Variants in ARHGEF28 observed in about 807,000 individuals in gnomAD.
ARHGEF28 encodes 190 kDa guanine nucleotide exchange factor.
Under a neutral mutation model 206.6 loss-of-function variants are expected in ARHGEF28, and 152 were observed. The observed-to-expected ratio is 0.74, with a 90% confidence interval of 0.64 to 0.84. The LOEUF (loss-of-function observed/expected upper bound fraction) is 0.84, where lower values mean the gene tolerates loss of function less well. ARHGEF28 is among the 40% of genes least tolerant of loss of function. ARHGEF28 has a pLI of 0.00. For missense variants in ARHGEF28, 2,028 were observed against 2,073.2 expected (o/e 0.98, Z 0.42); for synonymous variants, 763 against 776.4 (o/e 0.98, Z 0.29).
At chr5:73,670,065 A>G (rs1465267438) in intron 1 of ARHGEF28, among the ~76,000 whole-genome samples, 1 of 152,208 alleles carries the variant, frequency 6.6e-6, no homozygotes, top group Non-Finnish European at 1.5e-5. Flanking sequence ...TGTATCTACA[A>G]CCACAGCCAA....
At chr5:73,747,285 T>A (rs1198953449) in intron 2 of ARHGEF28, among the ~76,000 whole-genome samples, 1 of 152,138 alleles carries the variant, frequency 6.6e-6, no homozygotes, top group Admixed American at 6.5e-5. Flanking sequence ...ATTCTGTACA[T>A]TGGAATTTTG....
At chr5:73,711,122 T>A (rs980819541) in intron 2 of ARHGEF28, among the ~76,000 whole-genome samples, 1 of 152,212 alleles carries the variant, frequency 6.6e-6, no homozygotes, top group African/African-American at 2.4e-5. Context: ...AGGCAACTGA[T>A]TTTATTATTT....
rs115010004 is a variant in ARHGEF28, at chr5:73,659,223, C to T, written c.-11-25618C>T. On this transcript the variant is annotated intron_variant, in intron 1 of 35. Transcript: ENST00000513042. Reference sequence around the variant, plus strand: ...ATATCACTGAGTTAATTAACTATCACGTAGTACAGAATATGAACTTAAAGC... The same window carrying T: ...ATATCACTGAGTTAATTAACTATCATGTAGTACAGAATATGAACTTAAAGC... Among the ~76,000 whole-genome samples, 383 of 152,238 alleles carry T rather than the reference C, an allele frequency of 2.5e-3. 2 individuals carry two copies. Among genetic ancestry groups the T allele is most frequent in the African/African-American group, 8.5e-3 (354 of 41,548 alleles).
chr5:73,630,038 C>T (rs932580142), intron 1 of ARHGEF28, among the ~76,000 whole-genome samples: 3 of 152,138 alleles, frequency 2.0e-5, no homozygotes, highest in African/African-American at 4.8e-5. Context: ...TAGCATTCTG[C>T]CTATTTCTAG....
chr5:73,923,480 A>G (rs1171403119), intron 35 of ARHGEF28, among the ~76,000 whole-genome samples: 2 of 149,640 alleles, frequency 1.3e-5, no homozygotes, highest in Non-Finnish European at 2.9e-5. Context: ...TGGCAAGACT[A>G]CAGAGGGTTT....
At chr5:73,913,040 A>G (rs550441852) in intron 35 of ARHGEF28, among the ~76,000 whole-genome samples, 1 of 152,356 alleles carries the variant, frequency 6.6e-6, no homozygotes, top group Admixed American at 6.5e-5. Context: ...TTTTTAAACC[A>G]TTTGGCAGCA....
chr5:73,859,064 T>C (rs1759226487), intron 16 of ARHGEF28, among the ~76,000 whole-genome samples: 1 of 152,226 alleles, frequency 6.6e-6, no homozygotes, highest in Non-Finnish European at 1.5e-5. Context: ...AGGCAGCCTT[T>C]CCTGATCTCC....
At chr5:73,858,025 C>G (rs1396741609) in intron 15 of ARHGEF28, 62 bp from the exon 16 acceptor site, 1 of 1,543,512 alleles carries the variant, frequency 6.5e-7, no homozygotes, top group East Asian at 2.2e-5. Flanking sequence ...AGAAAGTTGG[C>G]TCACAGCGTT....
chr5:73,751,531 T>C (rs1415084098), intron 3 of ARHGEF28, among the ~76,000 whole-genome samples: 1 of 152,186 alleles, frequency 6.6e-6, no homozygotes, highest in African/African-American at 2.4e-5. Flanking sequence ...TTTTGCTCCC[T>C]TTTCTTGGTT....
intron 1 of ARHGEF28, among the ~76,000 whole-genome samples, chr5:73,640,104 T>G (rs750020): frequency 0.077 from 11,747 of 151,982 alleles, 745 homozygotes; most frequent in East Asian, 0.33. Flanking sequence ...TAGAATAGAG[T>G]AGAGGATGGT....
At chr5:73,925,854 A>G (rs1279015386) in intron 35 of ARHGEF28, among the ~76,000 whole-genome samples, 1 of 152,174 alleles carries the variant, frequency 6.6e-6, no homozygotes, top group Non-Finnish European at 1.5e-5. Context: ...TTCCTTGTTG[A>G]TGGACATCTG....
rs1163628992 is a variant in ARHGEF28 at position 73,792,645 on chromosome 5, T to C, written c.911-1757T>C. Reference sequence around the variant, plus strand: ...TGGTCCAGGTTATCCTTCCCTTCTTTTTTTTTTTTTTTTTTTTAACGCCTT... The same window carrying C: ...TGGTCCAGGTTATCCTTCCCTTCTTCTTTTTTTTTTTTTTTTTAACGCCTT... On this transcript the variant is annotated intron_variant, in intron 7 of 35. Coordinates refer to ENST00000513042, the MANE Select transcript of ARHGEF28 (RefSeq NM_001177693.2). Among the ~76,000 whole-genome samples, 7 of 149,552 alleles carry C rather than the reference T, an allele frequency of 4.7e-5. No individual in the cohort carries two copies. The South Asian group carries it at 6.3e-4, about 14-fold the overall frequency.
chr5:73,908,510 G>A (rs898149440), intron 33 of ARHGEF28: 5 of 152,002 alleles, frequency 3.3e-5, no homozygotes, highest in African/African-American at 1.2e-4. Context: ...ACTCTAAATG[G>A]GAACTTTTAA....
At chr5:73,663,082 A>G (rs1229931895) in intron 1 of ARHGEF28, among the ~76,000 whole-genome samples, 1 of 152,104 alleles carries the variant, frequency 6.6e-6, no homozygotes, top group Non-Finnish European at 1.5e-5. Flanking sequence ...CAGCTTCCCA[A>G]GTAGCTGGGA....
chr5:73,631,425 G>C (rs986350214), intron 1 of ARHGEF28, among the ~76,000 whole-genome samples: 3 of 152,166 alleles, frequency 2.0e-5, no homozygotes, highest in East Asian at 3.8e-4. Context: ...AGGATATTCA[G>C]TGATTAATGA....
chr5:73,822,008 C>G (rs1756623891), intron 9 of ARHGEF28, among the ~76,000 whole-genome samples: 1 of 152,092 alleles, frequency 6.6e-6, no homozygotes, highest in Non-Finnish European at 1.5e-5. Context: ...CTGACTTCCC[C>G]CTATGTCTCT....
intron 1 of ARHGEF28, among the ~76,000 whole-genome samples, chr5:73,644,984 T>C (rs186578117): frequency 2.5e-4 from 37 of 148,008 alleles, no homozygotes; most frequent in Non-Finnish European, 5.1e-4. Context: ...TTCTTCTGTG[T>C]AAGAAAATAA....
intron 9 of ARHGEF28, among the ~76,000 whole-genome samples, chr5:73,817,332 G>A (rs1580659629): frequency 6.6e-6 from 1 of 152,184 alleles, no homozygotes; most frequent in East Asian, 1.9e-4. Context: ...AGCTTAGATA[G>A]CACCATATTT....
At chr5:73,888,390 A>T (rs904558897) in intron 26 of ARHGEF28, among the ~76,000 whole-genome samples, 1 of 152,266 alleles carries the variant, frequency 6.6e-6, no homozygotes, top group Non-Finnish European at 1.5e-5. Flanking sequence ...TACAAATTTC[A>T]TGAAAACCTA....
Sources: gnomAD v4.1 joint callset for allele counts (sites outside exome capture counted in the v4.1 genomes callset) on GRCh38, gnomAD v4.1.1 for gene constraint, MANE v1.5 for transcripts, NCBI Gene and HGNC (gene_info 2026-07-23, HGNC 2026-07-21) for gene names.